The following AAK1 variants were observed in gnomAD, a reference collection of about 807,000 sequenced individuals.
AAK1 encodes the protein AP2-associated protein kinase 1.
In AAK1, 37 loss-of-function variants were observed where a neutral mutation model predicts 116.0. That is an observed-to-expected ratio of 0.32 (90% CI 0.25 to 0.42). The LOEUF is 0.42. AAK1 is among the 10% of genes least tolerant of loss of function. The probability of loss-of-function intolerance (pLI) is 1.00; values close to 1 mark genes in which losing one functional copy is unlikely to be tolerated. For synonymous variants in AAK1, 458 were observed against 439.9 expected, an observed-to-expected ratio of 1.04 and a Z score of -0.51; for missense variants, 919 against 1,170.6, an observed-to-expected ratio of 0.79 and a Z score of 3.14.
chr2:69,594,972 C>T, intron 2 of AAK1: 2 of 834,504 alleles, frequency 2.4e-6, no homozygotes, highest in Non-Finnish European at 4.1e-6. Context: ...ACAGAGAATC[C>T]TTGCCCTTTT....
At chr2:69,530,186 T>C (rs927190379) in intron 7 of AAK1, 46 bp from the exon 8 acceptor site, 3 of 1,553,678 alleles carry the variant, frequency 1.9e-6, no homozygotes, top group Non-Finnish European at 2.6e-6. Context: ...TTATTTATCA[T>C]GACTCTAAAT....
intron 3 of AAK1, 75 bp downstream of exon 3, chr2:69,556,785 C>A (rs1404386132): frequency 2.5e-6 from 3 of 1,185,118 alleles, no homozygotes; most frequent in South Asian, 1.3e-5. Context: ...GAACAAACCC[C>A]GCTTGGCTTT....
At chr2:69,482,356 CAA>C (rs879659957) in intron 18 of AAK1, 7,547 of 398,364 alleles carry the variant, frequency 0.019, no homozygotes, top group South Asian at 0.028. Flanking sequence ...CTGTCTCAAA[CAA>C]AAAAAAAAAA....
At chr2:69,486,023 C>T (rs1041776811) in intron 17 of AAK1, among the ~76,000 whole-genome samples, 3 of 151,854 alleles carry the variant, frequency 2.0e-5, no homozygotes, top group Non-Finnish European at 2.9e-5. Context: ...GGAACGATCA[C>T]GGCTCACTGC....
At chr2:69,509,700 T>G (rs1676319254) in intron 13 of AAK1, among the ~76,000 whole-genome samples, 1 of 152,194 alleles carries the variant, frequency 6.6e-6, no homozygotes, top group Admixed American at 6.5e-5. Flanking sequence ...TTTCAATCTT[T>G]ATCAGCGATA....
At chr2:69,560,119 G>A (rs1452591093) in intron 2 of AAK1, among the ~76,000 whole-genome samples, 9 of 152,218 alleles carry the variant, frequency 5.9e-5, no homozygotes, top group African/African-American at 1.9e-4. Flanking sequence ...ATCTGCAGAT[G>A]AGAAGCATTT....
intron 2 of AAK1, among the ~76,000 whole-genome samples, chr2:69,592,204 G>A (rs1425745634): frequency 2.0e-5 from 3 of 152,186 alleles, no homozygotes; most frequent in Admixed American, 1.3e-4. Context: ...GCCAATGACT[G>A]GTCTCTTGTC....
At chr2:69,610,633 A>T (rs1310582686) in intron 2 of AAK1, among the ~76,000 whole-genome samples, 1 of 152,242 alleles carries the variant, frequency 6.6e-6, no homozygotes, top group Non-Finnish European at 1.5e-5. Context: ...AACATCCAGA[A>T]AATATTAAAA....
At chr2:69,623,790 A>G (rs1674772839) in intron 2 of AAK1, among the ~76,000 whole-genome samples, 1 of 152,226 alleles carries the variant, frequency 6.6e-6, no homozygotes, top group Non-Finnish European at 1.5e-5. Context: ...AAAAATCATA[A>G]AGGAAAAGAC....
chr2:69,599,128 A>T (rs1339919711), intron 2 of AAK1, among the ~76,000 whole-genome samples: 1 of 152,204 alleles, frequency 6.6e-6, no homozygotes, highest in East Asian at 1.9e-4. Flanking sequence ...ACAAAATTCA[A>T]GTCAGGCTCT....
intron 13 of AAK1, among the ~76,000 whole-genome samples, chr2:69,510,295 T>C (rs1676344724): frequency 6.6e-6 from 1 of 152,216 alleles, no homozygotes; most frequent in Admixed American, 6.5e-5. Context: ...TGAGTGCATG[T>C]GCTATTTGGT....
At chr2:69,530,778 CT>C in intron 6 of AAK1, 72 bp from the exon 7 acceptor site, 5 of 1,190,836 alleles carry the variant, frequency 4.2e-6, no homozygotes, top group Admixed American at 1.9e-5. Flanking sequence ...AGCAGAAATA[CT>C]TTTTTTCTTT....
Position 69,475,171 on chromosome 2 carries a change from G to T in AAK1, c.*698C>A. ...ACGTCTCCAGATCTGAGAAATCACGGTTCAATGGAAGCCAGAAAGCTGGAC... is the reference window on the plus strand; with the variant it reads ...ACGTCTCCAGATCTGAGAAATCACGTTTCAATGGAAGCCAGAAAGCTGGAC... On this transcript the variant is annotated 3_prime_UTR_variant, in exon 22 of 22. Coordinates refer to ENST00000409085, the MANE Select transcript of AAK1 (RefSeq NM_014911.5). 1.0e-6 allele frequency: 1 copy of T among 985,882 alleles called. No individual in the cohort carries two copies. The highest frequency in any genetic ancestry group is 4.7e-5 in the South Asian group (1 of 21,288). 61.1% of individuals were successfully genotyped at this position (985,882 alleles called of 1,614,324 possible). A position where few individuals can be genotyped will look rare whatever the true frequency, so the allele number is the denominator to read the frequency against.
intron 8 of AAK1, among the ~76,000 whole-genome samples, chr2:69,528,239 A>T (rs1670101887): frequency 6.6e-6 from 1 of 152,218 alleles, no homozygotes; most frequent in South Asian, 2.1e-4. Context: ...GGTGGAATGC[A>T]ATCAGAATCA....
At chr2:69,537,444 A>G (rs1670522333) in intron 5 of AAK1, among the ~76,000 whole-genome samples, 1 of 152,222 alleles carries the variant, frequency 6.6e-6, no homozygotes, top group East Asian at 1.9e-4. Context: ...GCAGACCCAC[A>G]GGCAGAGTGG....
intron 2 of AAK1, 22 bp from the exon 3 acceptor site, chr2:69,557,000 G>C (rs761082846): frequency 1.3e-6 from 2 of 1,569,460 alleles, no homozygotes; most frequent in Admixed American, 1.7e-5. Flanking sequence ...ACACACACAA[G>C]CTCTTTTGAG....
intron 13 of AAK1, among the ~76,000 whole-genome samples, chr2:69,513,867 G>A (rs535540719): frequency 6.6e-6 from 1 of 152,322 alleles, no homozygotes; most frequent in South Asian, 2.1e-4. Flanking sequence ...GGGTTCTGAT[G>A]CCATACTCAG....
chr2:69,478,933 G>T lies in AAK1; in HGVS notation c.2680+18C>A. 6.3e-7 allele frequency: 1 copy of T among 1,579,022 alleles called. No homozygotes were observed. ...CCTCTAAGGACACATGTGGGCCTGA[G>T]AAGAAGAAAGCATTTACCTTTATGG... On this transcript the variant is annotated intron_variant, in intron 20 of 21. Transcript: ENST00000409085.
At chr2:69,539,934 G>A (rs541900697) in intron 5 of AAK1, among the ~76,000 whole-genome samples, 1 of 152,118 alleles carries the variant, frequency 6.6e-6, no homozygotes, top group African/African-American at 2.4e-5. Context: ...CTTCTATAGA[G>A]TTTTATATTT....
Sources: gnomAD v4.1 joint callset for allele counts (sites outside exome capture counted in the v4.1 genomes callset) on GRCh38, gnomAD v4.1.1 for gene constraint, MANE v1.5 for transcripts, NCBI Gene and HGNC (gene_info 2026-07-23, HGNC 2026-07-21) for gene names.